Variants in CNTNAP2 observed in about 807,000 individuals in gnomAD.
CNTNAP2 encodes contactin associated protein 2, also known as contactin-associated protein-like 2.
Under a neutral mutation model 155.2 loss-of-function variants are expected in CNTNAP2, and 98 were observed. That is an observed-to-expected ratio of 0.63 (90% CI 0.54 to 0.75). The LOEUF (loss-of-function observed/expected upper bound fraction) is 0.75. CNTNAP2 is among the 30% of genes least tolerant of loss of function. The probability of loss-of-function intolerance (pLI) is 0.00; values close to 1 mark genes in which losing one functional copy is unlikely to be tolerated. For synonymous variants in CNTNAP2, 651 were observed against 631.2 expected, an observed-to-expected ratio of 1.03 and a Z score of -0.47; for missense variants, 1,727 against 1,688.1, an observed-to-expected ratio of 1.02 and a Z score of -0.40.
intron 13 of CNTNAP2, among the ~76,000 whole-genome samples, chr7:147,847,387 A>C (rs1798830004): frequency 8.0e-6 from 1 of 124,610 alleles, no homozygotes; most frequent in Non-Finnish European, 1.7e-5. Flanking sequence ...AGTTGATCGC[A>C]TCAGCTCCTG....
At chr7:148,150,644 A>T (rs919631748) in intron 17 of CNTNAP2, among the ~76,000 whole-genome samples, 2 of 152,174 alleles carry the variant, frequency 1.3e-5, no homozygotes, top group African/African-American at 4.8e-5. Flanking sequence ...GAATTTAGGG[A>T]CTTAGGTGTT....
At chr7:146,921,795 G>T (rs553879727) in intron 3 of CNTNAP2, among the ~76,000 whole-genome samples, 2 of 152,030 alleles carry the variant, frequency 1.3e-5, no homozygotes, top group Non-Finnish European at 2.9e-5. Context: ...AAGCAAGGGT[G>T]GGAAATAATG....
chr7:147,367,771 A>G (rs980634853), intron 9 of CNTNAP2, among the ~76,000 whole-genome samples: 1 of 152,098 alleles, frequency 6.6e-6, no homozygotes, highest in Non-Finnish European at 1.5e-5. Context: ...TGGTTAAACA[A>G]TAGAGGGTTT....
At chr7:147,023,842 T>G (rs1484180222) in intron 3 of CNTNAP2, among the ~76,000 whole-genome samples, 3 of 152,184 alleles carry the variant, frequency 2.0e-5, no homozygotes, top group African/African-American at 7.2e-5. Flanking sequence ...TTAAAATTAT[T>G]TTTTAAAAGA....
At chr7:146,906,325 C>T (rs940679441) in intron 3 of CNTNAP2, among the ~76,000 whole-genome samples, 1 of 152,216 alleles carries the variant, frequency 6.6e-6, no homozygotes, top group Non-Finnish European at 1.5e-5. Flanking sequence ...CTGGCTGCCT[C>T]TGTAGGCTCC....
intron 1 of CNTNAP2, among the ~76,000 whole-genome samples, chr7:146,240,854 A>G (rs1028526264): frequency 1.4e-4 from 22 of 152,300 alleles, no homozygotes; most frequent in African/African-American, 5.3e-4. Context: ...TGTAATTTAT[A>G]AAGAAAATAG....
At chr7:146,820,381 T>C (rs575281767) in intron 2 of CNTNAP2, among the ~76,000 whole-genome samples, 1 of 152,268 alleles carries the variant, frequency 6.6e-6, no homozygotes, top group East Asian at 1.9e-4. Flanking sequence ...CTGTAGTATA[T>C]ATAAGTAAAT....
At chr7:148,025,765 A>G (rs12667420) in intron 15 of CNTNAP2, among the ~76,000 whole-genome samples, 6,653 of 152,224 alleles carry the variant, frequency 0.044, 304 homozygotes, top group East Asian at 0.27. Flanking sequence ...ATCATGAGTG[A>G]CCTCTCCCCA....
chr7:147,647,292 C>T (rs1462335946), intron 13 of CNTNAP2, among the ~76,000 whole-genome samples: 2 of 151,610 alleles, frequency 1.3e-5, no homozygotes, highest in Admixed American at 6.6e-5. Context: ...TGAGCCACCG[C>T]GCCCGGCCAG....
chr7:146,995,289 T>A (rs1293571297), intron 3 of CNTNAP2, among the ~76,000 whole-genome samples: 2 of 152,128 alleles, frequency 1.3e-5, no homozygotes, highest in African/African-American at 4.8e-5. Flanking sequence ...ATAGACGCTG[T>A]AATAAAAATG....
At chr7:146,538,441 A>G (rs1225270491) in intron 1 of CNTNAP2, among the ~76,000 whole-genome samples, 1 of 152,006 alleles carries the variant, frequency 6.6e-6, no homozygotes, top group Non-Finnish European at 1.5e-5. Context: ...AGTTTCTATC[A>G]CATAAATGCT....
At chr7:147,615,749 C>T (rs376167917) in intron 12 of CNTNAP2, among the ~76,000 whole-genome samples, 1 of 151,940 alleles carries the variant, frequency 6.6e-6, no homozygotes, top group East Asian at 1.9e-4. Flanking sequence ...TATAATCAGT[C>T]TTTCTTTCAC....
chr7:146,526,243 T>G (rs2129138231), intron 1 of CNTNAP2, among the ~76,000 whole-genome samples: 1 of 152,330 alleles, frequency 6.6e-6, no homozygotes, highest in South Asian at 2.1e-4. Flanking sequence ...TGCAGTACTT[T>G]ATTTAAACTT....
chr7:147,274,413 G>T (rs1331894042), intron 8 of CNTNAP2, among the ~76,000 whole-genome samples: 1 of 152,052 alleles, frequency 6.6e-6, no homozygotes, highest in East Asian at 1.9e-4. Context: ...GCATTTCTCT[G>T]ATGAATACTG....
chr7:146,312,822 T>G (rs1428703073), intron 1 of CNTNAP2, among the ~76,000 whole-genome samples: 1 of 152,326 alleles, frequency 6.6e-6, no homozygotes, highest in African/African-American at 2.4e-5. Context: ...TGTCTTTCTG[T>G]GTTTAGCTTA....
chr7:146,179,875 T>G (rs1461340780), intron 1 of CNTNAP2, among the ~76,000 whole-genome samples: 1 of 152,220 alleles, frequency 6.6e-6, no homozygotes, highest in Admixed American at 6.5e-5. Context: ...AAAAATATTT[T>G]TATGGCAACG....
chr7:146,552,551 G>A (rs974021381), intron 1 of CNTNAP2, among the ~76,000 whole-genome samples: 1 of 152,092 alleles, frequency 6.6e-6, no homozygotes, highest in Non-Finnish European at 1.5e-5. Context: ...CAATATGGTA[G>A]CCAGAAAGAT....
At chr7:147,212,107 G>A (rs1162388720) in intron 8 of CNTNAP2, among the ~76,000 whole-genome samples, 1 of 152,074 alleles carries the variant, frequency 6.6e-6, no homozygotes, top group Non-Finnish European at 1.5e-5. Flanking sequence ...ACACATACTG[G>A]TGAGGCTGCA....
chr7:147,751,964 C>T (rs752290994), intron 13 of CNTNAP2, among the ~76,000 whole-genome samples: 2 of 150,706 alleles, frequency 1.3e-5, no homozygotes, highest in Non-Finnish European at 3.0e-5. Context: ...CGGTTGGAAG[C>T]AATCGAGCTG....
Sources: gnomAD v4.1 joint callset for allele counts (sites outside exome capture counted in the v4.1 genomes callset) on GRCh38, gnomAD v4.1.1 for gene constraint, MANE v1.5 for transcripts, NCBI Gene and HGNC (gene_info 2026-07-23, HGNC 2026-07-21) for gene names.